Variants in IL1RAPL2 observed in about 807,000 individuals in gnomAD.
IL1RAPL2 encodes the protein X-linked interleukin-1 receptor accessory protein-like 2.
In IL1RAPL2, 3 loss-of-function variants were observed where a neutral mutation model predicts 44.1. That is an observed-to-expected ratio of 0.07 (90% CI 0.03 to 0.18). The LOEUF (loss-of-function observed/expected upper bound fraction) is 0.18. Ranked by LOEUF, IL1RAPL2 falls within the 10% of genes least tolerant of loss-of-function variation. The probability of loss-of-function intolerance (pLI) is 1.00; values close to 1 mark genes in which losing one functional copy is unlikely to be tolerated. For missense variants in IL1RAPL2, 391 were observed against 496.4 expected (o/e 0.79, Z 2.02); for synonymous variants, 181 against 178.8 (o/e 1.01, Z -0.10).
intron 2 of IL1RAPL2, among the ~76,000 whole-genome samples, chrX:104,706,349 G>A (rs1286636378): frequency 3.6e-5 from 4 of 112,220 alleles, no homozygotes; most frequent in Non-Finnish European, 5.6e-5. Flanking sequence ...CCTCGTTGAA[G>A]CCTTCCACAA....
At chrX:105,534,143 G>A (rs930289116) in intron 6 of IL1RAPL2, among the ~76,000 whole-genome samples, 30 of 111,952 alleles carry the variant, frequency 2.7e-4, no homozygotes, top group African/African-American at 9.1e-4. Context: ...TTTCAGTGGC[G>A]TGCTAAAGCT....
intron 2 of IL1RAPL2, among the ~76,000 whole-genome samples, chrX:105,146,051 G>GAA (rs2033177126): frequency 1.8e-5 from 2 of 111,424 alleles, no homozygotes; most frequent in Non-Finnish European, 3.8e-5. Flanking sequence ...CTATGAAGCA[G>GAA]AAAGCCCTCA....
intron 2 of IL1RAPL2, among the ~76,000 whole-genome samples, chrX:105,095,558 AT>A (rs905100273): frequency 3.6e-5 from 4 of 110,687 alleles, no homozygotes; most frequent in South Asian, 3.8e-4. Context: ...ATCTATGTCA[AT>A]TTTTTTTTAC....
At chrX:105,428,879 T>C (rs186746067) in intron 5 of IL1RAPL2, among the ~76,000 whole-genome samples, 11 of 111,422 alleles carry the variant, frequency 9.9e-5, no homozygotes, top group African/African-American at 3.3e-4. Context: ...GAAAATTTGG[T>C]AGGCTATGCT....
intron 2 of IL1RAPL2, among the ~76,000 whole-genome samples, chrX:104,971,113 T>A (rs1173822276): frequency 1.8e-5 from 2 of 111,775 alleles, no homozygotes; most frequent in African/African-American, 6.5e-5. Flanking sequence ...TTTGGGAGGC[T>A]GAGGCGGGAG....
chrX:105,095,764 C>T (rs1206930745), intron 2 of IL1RAPL2, among the ~76,000 whole-genome samples: 1 of 111,849 alleles, frequency 8.9e-6, no homozygotes, highest in Non-Finnish European at 1.9e-5. Flanking sequence ...AGGCATAAAT[C>T]TTTGTGATCT....
intron 6 of IL1RAPL2, among the ~76,000 whole-genome samples, chrX:105,492,391 A>G (rs776156811): frequency 1.7e-3 from 185 of 110,865 alleles, no homozygotes; most frequent in Non-Finnish European, 2.9e-3. Flanking sequence ...GGAAAAAACT[A>G]TCATTCTAAT....
intron 2 of IL1RAPL2, among the ~76,000 whole-genome samples, chrX:104,856,195 C>A (rs773605181): frequency 1.8e-5 from 2 of 111,738 alleles, no homozygotes; most frequent in Non-Finnish European, 3.8e-5. Context: ...ATGTGGTATT[C>A]CAAGAAGACT....
At chrX:105,079,326 C>T (rs1397577274) in intron 2 of IL1RAPL2, among the ~76,000 whole-genome samples, 1 of 109,776 alleles carries the variant, frequency 9.1e-6, no homozygotes, top group African/African-American at 3.3e-5. Context: ...TGGGAATATA[C>T]CCAAAGTATT....
chrX:105,525,334 G>A (rs1281471756), intron 6 of IL1RAPL2, among the ~76,000 whole-genome samples: 1 of 109,704 alleles, frequency 9.1e-6, no homozygotes, highest in African/African-American at 3.3e-5. Flanking sequence ...TTAAATTAGC[G>A]TTTTCTCATT....
At chrX:105,076,750 A>G (rs1328289306) in intron 2 of IL1RAPL2, among the ~76,000 whole-genome samples, 1 of 111,713 alleles carries the variant, frequency 9.0e-6, no homozygotes, top group East Asian at 2.8e-4. Flanking sequence ...ATATATATTT[A>G]GGATAGTTAG....
intron 2 of IL1RAPL2, among the ~76,000 whole-genome samples, chrX:105,011,362 A>G (rs966078949): frequency 1.6e-4 from 18 of 111,310 alleles, no homozygotes; most frequent in Non-Finnish European, 3.4e-4. Context: ...CTTCTTTAAA[A>G]ACAAAATTTA....
At chrX:105,609,429 TGAGA>T (rs758093940) in intron 6 of IL1RAPL2, among the ~76,000 whole-genome samples, 1 of 108,433 alleles carries the variant, frequency 9.2e-6, no homozygotes, top group Non-Finnish European at 1.9e-5. Context: ...AAATAGTGCA[TGAGA>T]GAGAGAGAGA....
chrX:104,840,515 C>T (rs1030743479), intron 2 of IL1RAPL2, among the ~76,000 whole-genome samples: 5 of 111,572 alleles, frequency 4.5e-5, no homozygotes, highest in African/African-American at 1.6e-4. Context: ...AAGTGCCATG[C>T]AACACTGAGA....
intron 5 of IL1RAPL2, among the ~76,000 whole-genome samples, chrX:105,408,855 A>T (rs889579539): frequency 1.1e-5 from 1 of 88,178 alleles, no homozygotes; most frequent in African/African-American, 4.1e-5. Flanking sequence ...TGTATACAGC[A>T]TTAATAAATG....
At chrX:105,491,153 C>G (rs1302976731) in intron 6 of IL1RAPL2, among the ~76,000 whole-genome samples, 3 of 111,730 alleles carry the variant, frequency 2.7e-5, no homozygotes. Flanking sequence ...CAATCCAAAG[C>G]AAGTCAACAA....
chrX:104,641,999 G>A (rs768263719), intron 1 of IL1RAPL2, among the ~76,000 whole-genome samples: 1 of 111,544 alleles, frequency 9.0e-6, no homozygotes, highest in Non-Finnish European at 1.9e-5. Flanking sequence ...CCATATGTTA[G>A]TTTCAGGGTT....
intron 1 of IL1RAPL2, among the ~76,000 whole-genome samples, chrX:104,586,906 T>A (rs190959074): frequency 1.1e-3 from 119 of 111,866 alleles, no homozygotes; most frequent in African/African-American, 3.7e-3. Context: ...CTTCTTTTTT[T>A]AGTTGCTTTT....
chrX:104,969,225 A>G (rs780584700), intron 2 of IL1RAPL2, among the ~76,000 whole-genome samples: 4 of 110,809 alleles, frequency 3.6e-5, no homozygotes, highest in African/African-American at 1.3e-4. Flanking sequence ...AGTCCTTTCC[A>G]TATATAAAAA....
Sources: allele counts gnomAD v4.1 joint callset (sites outside exome capture counted in the v4.1 genomes callset), GRCh38; gene constraint gnomAD v4.1.1; transcripts MANE v1.5; gene names NCBI Gene and HGNC (gene_info 2026-07-23, HGNC 2026-07-21).